Variants in PDE8B observed in about 807,000 individuals in gnomAD.
PDE8B encodes high affinity cAMP-specific and IBMX-insensitive 3',5'-cyclic phosphodiesterase 8B.
In PDE8B, 26 loss-of-function variants were observed where a neutral mutation model predicts 101.3. That is an observed-to-expected ratio of 0.26 (90% CI 0.19 to 0.36). The LOEUF is 0.36. PDE8B is among the 10% of genes least tolerant of loss of function. The probability of loss-of-function intolerance (pLI) is 1.00; values close to 1 mark genes in which losing one functional copy is unlikely to be tolerated. For missense variants in PDE8B, 810 were observed against 1,163.1 expected, an observed-to-expected ratio of 0.70 and a Z score of 4.42; for synonymous variants, 424 against 429.3, an observed-to-expected ratio of 0.99 and a Z score of 0.15.
Position 77,256,155 on chromosome 5 carries a change from A to AT in PDE8B, c.339+44898dup, listed in dbSNP as rs944287258. On this transcript the variant is annotated intron_variant, in intron 1 of 21. Transcript: ENST00000264917. ...TTTCCAAACTGTAAAAGCAATTTGT[A>AT]TTTTTTTGCAACAAAACAAACAATA... 1.4e-4 allele frequency among the ~76,000 whole-genome samples: 21 copies of AT among 152,248 alleles called. No homozygotes were observed. The East Asian group carries it at 1.7e-3, about 13-fold the overall frequency.
chr5:77,278,480 T>C (rs1021513922), intron 1 of PDE8B, among the ~76,000 whole-genome samples: 3 of 152,072 alleles, frequency 2.0e-5, no homozygotes, highest in African/African-American at 7.2e-5. Flanking sequence ...ACTTCTTTTC[T>C]TTTTTTTGAG....
the PDE8B span, among the ~76,000 whole-genome samples, chr5:77,134,153 G>A: frequency 6.6e-6 from 1 of 152,206 alleles, no homozygotes; most frequent in Admixed American, 6.5e-5. Context: ...TCACCTAGAT[G>A]GAGCCAGCCT....
intron 1 of PDE8B, chr5:77,290,135 C>A: frequency 8.6e-7 from 1 of 1,162,388 alleles, no homozygotes; most frequent in Non-Finnish European, 1.3e-6. Context: ...ACCCCTAGTT[C>A]CACGTGTGGA....
chr5:77,412,246 TC>T lies in PDE8B; in HGVS notation c.1712+12del. 3.1e-6 allele frequency: 5 copies of T among 1,613,886 alleles called. No individual in the cohort carries two copies. In the South Asian group the frequency reaches 5.5e-5, roughly 18 times the overall value. On this transcript the variant is annotated intron_variant, in intron 16 of 21. Coordinates refer to ENST00000264917, the MANE Select transcript of PDE8B (RefSeq NM_003719.5). ...CATTACGCATAAAAGGTATGTGACTTCTCTGGCTGAAGGCAGAGCAGGATTG... is the reference window on the plus strand; with the variant it reads ...CATTACGCATAAAAGGTATGTGACTTTCTGGCTGAAGGCAGAGCAGGATTG...
chr5:77,366,788 T>A (rs1784228150), intron 10 of PDE8B, among the ~76,000 whole-genome samples: 1 of 152,132 alleles, frequency 6.6e-6, no homozygotes, highest in Non-Finnish European at 1.5e-5. Flanking sequence ...GAATTTAAAG[T>A]GACATTAAAA....
chr5:77,102,798 T>C, the PDE8B span, among the ~76,000 whole-genome samples: 118,314 of 152,204 alleles, frequency 0.78, 46,804 homozygotes, highest in African/African-American at 0.93. Flanking sequence ...CAGCCACGCC[T>C]AGGCTCCTGT....
chr5:77,407,538 T>C, intron 13 of PDE8B, 81 bp downstream of exon 13: 1 of 986,238 alleles, frequency 1.0e-6, no homozygotes, highest in Non-Finnish European at 1.6e-6. Context: ...CACACTGACA[T>C]CATGGAGCTC....
chr5:77,397,907 C>A (rs1183093064), intron 10 of PDE8B, among the ~76,000 whole-genome samples: 4 of 152,068 alleles, frequency 2.6e-5, no homozygotes, highest in African/African-American at 9.7e-5. Context: ...CTCTGTACCC[C>A]ACCCCCCGCC....
rs1279646143 is a variant in PDE8B, at chr5:77,211,191, CCAGCAGGGGCCGGAGGCGCCACTGCTG to C, written c.273_299del (p.Arg91_Ser99del). The C allele has an allele frequency of 6.4e-7, 1 of 1,556,646 alleles. No individual in the cohort carries two copies. On this transcript the variant is annotated inframe_deletion, in exon 1 of 22. Transcript: ENST00000264917. This position sits in a 1 kb window ranked among gnomAD's most constrained non-coding sequence, Gnocchi z 4.1. ...GGTTCCGCAGCCCCCGCCGCGACCA[CCAGCAGGGGCCGGAGGCGCCACTGCTG>C]CAGCAGCGCCGAGGCCGAGACTCAG...
At chr5:77,182,505 C>G in the PDE8B span, among the ~76,000 whole-genome samples, 7 of 152,090 alleles carry the variant, frequency 4.6e-5, no homozygotes, top group African/African-American at 1.4e-4. Flanking sequence ...CACAACCTCC[C>G]TGTTACAGGC....
chr5:77,318,127 G>A (rs1202912785), intron 2 of PDE8B, among the ~76,000 whole-genome samples: 1 of 151,596 alleles, frequency 6.6e-6, no homozygotes, highest in Non-Finnish European at 1.5e-5. Context: ...TGTAGGGCAT[G>A]GGTTTTCTGG....
intron 5 of PDE8B, among the ~76,000 whole-genome samples, chr5:77,332,985 T>A (rs901577917): frequency 3.3e-5 from 5 of 151,418 alleles, no homozygotes; most frequent in Non-Finnish European, 5.9e-5. Flanking sequence ...GGCTTAAAAA[T>A]ATATATATAT....
the PDE8B span, among the ~76,000 whole-genome samples, chr5:77,153,073 T>C: frequency 2.6e-5 from 4 of 152,224 alleles, no homozygotes; most frequent in Middle Eastern, 0.01. Context: ...AGGGAGGTGG[T>C]GCTATGGGCA....
chr5:77,210,841 G>A lies in PDE8B; in HGVS notation c.-85G>A. Reference sequence around the variant, plus strand: ...GCGCAGTCCGGGCGCCGCCGCGGCCGCCCCCTCACTGCAGGTGGCAGCGGG... The same window carrying A: ...GCGCAGTCCGGGCGCCGCCGCGGCCACCCCCTCACTGCAGGTGGCAGCGGG... On this transcript the variant is annotated 5_prime_UTR_variant, in exon 1 of 22. Transcript: ENST00000264917. This position sits in a 1 kb window ranked among gnomAD's most constrained non-coding sequence, Gnocchi z 4.9. 2 of 1,038,446 alleles carry A rather than the reference G, an allele frequency of 1.9e-6. No individual in the cohort carries two copies. The highest frequency in any genetic ancestry group is 2.3e-6 in the Non-Finnish European group (2 of 865,724). 64.3% of individuals were successfully genotyped at this position (1,038,446 alleles called of 1,614,324 possible).
chr5:77,251,335 A>T lies in PDE8B; in HGVS notation c.339+40071A>T, dbSNP rs6870862. ...TTTCACTGTGATGTGTGTAGGTGTG[A>T]CTTTCTTCTTATATAAGTGCCACAC... On this transcript the variant is annotated intron_variant, in intron 1 of 21. Transcript: ENST00000264917. Among the ~76,000 whole-genome samples the T allele has an allele frequency of 6.9e-3, 1,054 of 152,192 alleles. 14 individuals are homozygous for T. The highest frequency in any genetic ancestry group is 0.024 in the African/African-American group (1,000 of 41,514).
At position 77,211,082 on chromosome 5, in the gene PDE8B, A is replaced by G; in HGVS notation, c.157A>G (p.Ile53Val). The change falls in exon 1 of 22, where the codon ATC becomes GTC. Residue 53 changes from isoleucine (I) to valine (V), a missense_variant. Transcript: ENST00000264917. This position sits in a 1 kb window ranked among gnomAD's most constrained non-coding sequence, Gnocchi z 4.1. ...LFVQTDAADA[I>V]PPSRASGPPS... ...CGTCCAGACCGACGCCGCCGACGCC[A>G]TCCCCCCGAGCCGCGCGTCGGGACC... 2.0e-6 allele frequency: 3 copies of G among 1,498,840 alleles called. No individual in the cohort carries two copies. Among genetic ancestry groups the G allele is most frequent in the Non-Finnish European group, 2.7e-6 (3 of 1,131,416 alleles). 92.8% of individuals were successfully genotyped at this position (1,498,840 alleles called of 1,614,324 possible).
intron 1 of PDE8B, among the ~76,000 whole-genome samples, chr5:77,257,545 G>A (rs78355910): frequency 0.069 from 10,469 of 152,160 alleles, 418 homozygotes; most frequent in African/African-American, 0.1. Flanking sequence ...AAAATATTAT[G>A]CATCTAATAA....
rs977047856 is a variant in PDE8B, at chr5:77,349,668, T to C, written c.1017+109T>C. On this transcript the variant is annotated intron_variant, in intron 8 of 21. Coordinates refer to ENST00000264917, the MANE Select transcript of PDE8B (RefSeq NM_003719.5). ...TTAGCTTTTTTAATAATGTCATAAT[T>C]AAGTGAAAGATCTATTATGTTTGCA... is the stretch of plus-strand genomic sequence containing the variant. 25 of 1,230,078 alleles carry C rather than the reference T, an allele frequency of 2.0e-5. No homozygotes were observed. In the Admixed American group the frequency reaches 4.5e-4, roughly 22 times the overall value. The allele number at this position is 1,230,078 out of a possible 1,614,324, so 76.2% of individuals were successfully genotyped here.
At chr5:77,271,246 T>G (rs756405269) in intron 1 of PDE8B, among the ~76,000 whole-genome samples, 21 of 152,108 alleles carry the variant, frequency 1.4e-4, no homozygotes, top group Admixed American at 7.2e-4. Flanking sequence ...ACTTGTCCTT[T>G]AAAACCTCCA....
Sources: allele counts gnomAD v4.1 joint callset (sites outside exome capture counted in the v4.1 genomes callset), GRCh38; gene constraint gnomAD v4.1.1; non-coding constraint Gnocchi (gnomAD v3.1); transcripts MANE v1.5; gene names NCBI Gene and HGNC (gene_info 2026-07-23, HGNC 2026-07-21).